HHLA1: variants seen among roughly 807,000 people sequenced by gnomAD.
HHLA1 encodes HHLA1 neighbor of OC90.
Under a neutral mutation model 69.9 loss-of-function variants are expected in HHLA1, and 72 were observed. That is an observed-to-expected ratio of 1.03 (90% confidence interval 0.85 to 1.25). The LOEUF (loss-of-function observed/expected upper bound fraction) is 1.25. Ranked by LOEUF, HHLA1 falls within the 50% of genes most tolerant of loss-of-function variation. The probability of loss-of-function intolerance (pLI) is 0.00; values close to 1 mark genes in which losing one functional copy is unlikely to be tolerated. For synonymous variants in HHLA1, 252 were observed against 233.2 expected (o/e 1.08, Z -0.73); for missense variants, 685 against 642.2 (o/e 1.07, Z -0.72).
intron 15 of HHLA1, among the ~76,000 whole-genome samples, chr8:132,067,594 G>T (rs148601985): frequency 1.5e-3 from 222 of 152,226 alleles, no homozygotes; most frequent in African/African-American, 5.2e-3. Flanking sequence ...CTAGCAATGG[G>T]ATTCCCACTT....
At chr8:132,098,849 T>C in intron 5 of HHLA1, 33 bp downstream of exon 5, 2 of 1,403,014 alleles carry the variant, frequency 1.4e-6, no homozygotes, top group Non-Finnish European at 2.0e-6. Flanking sequence ...GAAAAAAAAA[T>C]GGACCTGGAT....
chr8:132,095,538 A>G lies in HHLA1; in HGVS notation c.429T>C (p.Asn143=). 6.5e-7 allele frequency: 1 copy of G among 1,549,758 alleles called. No homozygotes were observed. Among genetic ancestry groups the G allele is most frequent in the East Asian group, 2.4e-5 (1 of 40,908 alleles). ...ACCCACCTGATAAGTCATTGGTCCG[A>G]TTGTTTAAACAGTAGCAATACCTTG... is the stretch of plus-strand genomic sequence containing the variant. ...FPTRYCYCLN[N]RTNDLSDFTA... is the part of the protein sequence containing the mutation. Residue 143 remains asparagine (N), a synonymous_variant, in exon 7 of 17, where the codon AAT becomes AAC. Coordinates refer to ENST00000414222, the MANE Select transcript of HHLA1 (RefSeq NM_001145095.3).
intron 3 of HHLA1, among the ~76,000 whole-genome samples, chr8:132,102,407 C>A (rs1455782796): frequency 6.6e-6 from 1 of 152,176 alleles, no homozygotes; most frequent in African/African-American, 2.4e-5. Flanking sequence ...GACTCTAACT[C>A]CCCTTTGCCA....
At chr8:132,101,814 T>A (rs1423965320) in intron 3 of HHLA1, among the ~76,000 whole-genome samples, 1 of 152,206 alleles carries the variant, frequency 6.6e-6, no homozygotes, top group Non-Finnish European at 1.5e-5. Flanking sequence ...CCTCATGATC[T>A]GCCTGCCTCG....
chr8:132,106,184 G>A (rs1824199012), intron 1 of HHLA1, among the ~76,000 whole-genome samples: 1 of 152,150 alleles, frequency 6.6e-6, no homozygotes, highest in African/African-American at 2.4e-5. Flanking sequence ...GTAGAGGGTT[G>A]GATTTATCTG....
rs558821016 is a variant in HHLA1, at chr8:132,082,590, G to A, written c.677-2624C>T. 9.9e-5 allele frequency among the ~76,000 whole-genome samples: 15 copies of A among 152,264 alleles called. No homozygotes were observed. The East Asian group carries it at 1.9e-3, about 20-fold the overall frequency. ...GGGCTTGATTGAAGTAATGGGGGCT[G>A]TCTGTGAAGCTTTGCAGCAGTACAG... On this transcript the variant is annotated intron_variant, in intron 10 of 16. Transcript: ENST00000414222.
At chr8:132,070,129 T>G in intron 15 of HHLA1, 1 of 401,042 alleles carries the variant, frequency 2.5e-6, no homozygotes, top group Non-Finnish European at 4.4e-6. Flanking sequence ...ATCTTGAGAG[T>G]AGTCTTTGAA....
rs111694502 is a variant in HHLA1, at chr8:132,065,293, G to A, written c.1552+593C>T. On this transcript the variant is annotated intron_variant, in intron 16 of 16. Transcript: ENST00000414222. ...TCAGTCAAGAATTTCAGTATTTGTG[G>A]GGGTTGTCCCCCACAAACTGCTCTG... 9.1e-3 allele frequency among the ~76,000 whole-genome samples: 1,381 copies of A among 152,162 alleles called. 22 individuals carry two copies. The highest frequency in any genetic ancestry group is 0.032 in the African/African-American group (1,311 of 41,514).
intron 7 of HHLA1, among the ~76,000 whole-genome samples, chr8:132,091,083 T>C (rs1823939715): frequency 6.9e-6 from 1 of 144,982 alleles, no homozygotes; most frequent in Admixed American, 6.7e-5. Flanking sequence ...GTATTATCTC[T>C]TAGTTATTCC....
At chr8:132,070,137 G>C (rs921421308) in intron 15 of HHLA1, 2 of 416,534 alleles carry the variant, frequency 4.8e-6, no homozygotes, top group Non-Finnish European at 8.6e-6. Flanking sequence ...AGTAGTCTTT[G>C]AAAATAACAT....
At chr8:132,102,884 A>G (rs973463032) in intron 3 of HHLA1, among the ~76,000 whole-genome samples, 2 of 151,618 alleles carry the variant, frequency 1.3e-5, no homozygotes, top group Admixed American at 6.6e-5. Context: ...TGATAACAAT[A>G]TTTGAAGTCT....
intron 5 of HHLA1, 147 bp downstream of exon 5, chr8:132,098,735 A>C: frequency 3.4e-6 from 2 of 589,312 alleles, no homozygotes; most frequent in South Asian, 2.1e-5. Context: ...GGCGTGAGAC[A>C]CTGAGCTCAG....
rs200822413 is a variant in HHLA1 at position 132,071,677 on chromosome 8, GT to G, written c.1316-185del. 1.0e-3 allele frequency among the ~76,000 whole-genome samples: 157 copies of G among 152,290 alleles called. 2 individuals are homozygous for G. In the East Asian group the frequency reaches 0.028, roughly 27 times the overall value. ...CTACTGTAACAGTTTTAAGAGTCAGGTGGAAAGAAGGTGGTGATCGAGTTTC... is the reference window on the plus strand; with the variant it reads ...CTACTGTAACAGTTTTAAGAGTCAGGGGAAAGAAGGTGGTGATCGAGTTTC... On this transcript the variant is annotated intron_variant, in intron 14 of 16. Coordinates refer to ENST00000414222, the MANE Select transcript of HHLA1 (RefSeq NM_001145095.3).
rs577487844 is a variant in HHLA1, at chr8:132,071,628, A to T, written c.1316-135T>A. 115 of 732,760 alleles carry T rather than the reference A, an allele frequency of 1.6e-4. No homozygotes were observed. In the African/African-American group the frequency reaches 1.8e-3, roughly 12 times the overall value. The allele number at this position is 732,760 out of a possible 1,614,324, so 45.4% of individuals were successfully genotyped here. ...TCTGAGACAGACAGGTAAACATAGC[A>T]TTCCTCACCATTACCCAATAAAGCT... On this transcript the variant is annotated intron_variant, in intron 14 of 16. Coordinates refer to ENST00000414222, the MANE Select transcript of HHLA1 (RefSeq NM_001145095.3).
chr8:132,070,765 TCTCAA>T (rs907047822), intron 15 of HHLA1, among the ~76,000 whole-genome samples: 16 of 150,518 alleles, frequency 1.1e-4, no homozygotes, highest in African/African-American at 3.9e-4. Flanking sequence ...ACTCAACTCA[TCTCAA>T]CTCATCACTA....
chr8:132,065,853 C>A (rs776401632), intron 16 of HHLA1, 33 bp downstream of exon 16: 1 of 1,131,402 alleles, frequency 8.8e-7, no homozygotes, highest in South Asian at 1.3e-5. Context: ...GCATTCACTG[C>A]AAAGTTACAA....
intron 4 of HHLA1, 121 bp from the exon 5 acceptor site, chr8:132,099,083 G>A: frequency 2.9e-6 from 2 of 689,776 alleles, no homozygotes. Context: ...AACAAACCAA[G>A]TGCCAGGCAC....
intron 14 of HHLA1, among the ~76,000 whole-genome samples, chr8:132,075,727 T>C (rs1272562741): frequency 6.6e-6 from 1 of 152,220 alleles, no homozygotes; most frequent in Admixed American, 6.5e-5. Flanking sequence ...TCGATAAAAG[T>C]TGATTGAATT....
intron 7 of HHLA1, among the ~76,000 whole-genome samples, chr8:132,092,635 C>T (rs1379948103): frequency 6.6e-6 from 1 of 152,160 alleles, no homozygotes; most frequent in East Asian, 1.9e-4. Flanking sequence ...TTCTACTTCC[C>T]CTCTGCCATG....
Sources: allele counts gnomAD v4.1 joint callset (sites outside exome capture counted in the v4.1 genomes callset), GRCh38; gene constraint gnomAD v4.1.1; transcripts MANE v1.5; gene names NCBI Gene and HGNC (gene_info 2026-07-23, HGNC 2026-07-21).